The following IMMP2L variants were observed in gnomAD, a reference collection of about 807,000 sequenced individuals.
IMMP2L encodes the protein mitochondrial inner membrane protease subunit 2.
A neutral mutation model predicts 19.3 loss-of-function variants in IMMP2L; 18 were observed. The ratio of observed to expected loss-of-function variants is 0.93; its 90% CI spans 0.64 to 1.38. The LOEUF is 1.38. Ranked by LOEUF, IMMP2L falls within the 40% of genes most tolerant of loss-of-function variation. The probability of loss-of-function intolerance (pLI) is 0.00; values close to 1 mark genes in which losing one functional copy is unlikely to be tolerated. For synonymous variants in IMMP2L, 76 were observed against 73.0 expected, an observed-to-expected ratio of 1.04 and a Z score of -0.21; for missense variants, 233 against 218.2, an observed-to-expected ratio of 1.07 and a Z score of -0.43.
At chr7:110,922,412 A>G (rs1814390564) in intron 4 of IMMP2L, among the ~76,000 whole-genome samples, 1 of 152,194 alleles carries the variant, frequency 6.6e-6, no homozygotes, top group Non-Finnish European at 1.5e-5. Context: ...ATCATTAGTT[A>G]TATCTCAATA....
intron 3 of IMMP2L, among the ~76,000 whole-genome samples, chr7:111,343,800 A>G (rs1166394421): frequency 2.6e-5 from 4 of 152,086 alleles, no homozygotes; most frequent in Non-Finnish European, 5.9e-5. Flanking sequence ...ACAGAAAGTA[A>G]CCTTGTGATC....
intron 3 of IMMP2L, among the ~76,000 whole-genome samples, chr7:111,074,330 G>T (rs1795209710): frequency 6.6e-6 from 1 of 152,196 alleles, no homozygotes; most frequent in African/African-American, 2.4e-5. Context: ...GTGTTTGAGA[G>T]AATTTATAGA....
intron 5 of IMMP2L, among the ~76,000 whole-genome samples, chr7:110,761,864 T>C (rs1001487190): frequency 6.6e-6 from 1 of 152,198 alleles, no homozygotes; most frequent in African/African-American, 2.4e-5. Flanking sequence ...TCTAGTGTCA[T>C]CATGACAATT....
chr7:111,224,708 A>T (rs565314721), intron 3 of IMMP2L, among the ~76,000 whole-genome samples: 7 of 152,236 alleles, frequency 4.6e-5, no homozygotes. Context: ...TCATAATGAT[A>T]TTAAAATGTT....
intron 5 of IMMP2L, among the ~76,000 whole-genome samples, chr7:110,696,073 C>T (rs1431289301): frequency 6.6e-6 from 1 of 152,170 alleles, no homozygotes; most frequent in African/African-American, 2.4e-5. Flanking sequence ...TTTGCACCAT[C>T]TCTTACTGAG....
chr7:111,143,159 A>G (rs1460973258), intron 3 of IMMP2L, among the ~76,000 whole-genome samples: 1 of 152,218 alleles, frequency 6.6e-6, no homozygotes, highest in Non-Finnish European at 1.5e-5. Flanking sequence ...GGAAACTGCC[A>G]TTTTATTACA....
At chr7:110,770,574 T>C (rs1474963812) in intron 5 of IMMP2L, among the ~76,000 whole-genome samples, 1 of 152,232 alleles carries the variant, frequency 6.6e-6, no homozygotes, top group African/African-American at 2.4e-5. Flanking sequence ...TTTTGATGTG[T>C]TTCATGGCAG....
intron 2 of IMMP2L, among the ~76,000 whole-genome samples, chr7:111,509,639 T>C (rs1845262008): frequency 6.6e-6 from 1 of 152,164 alleles, no homozygotes; most frequent in South Asian, 2.1e-4. Context: ...TAAGTATTGT[T>C]ACATGAAACT....
intron 3 of IMMP2L, among the ~76,000 whole-genome samples, chr7:111,174,946 C>T (rs1262240189): frequency 6.6e-6 from 1 of 151,712 alleles, no homozygotes; most frequent in Non-Finnish European, 1.5e-5. Context: ...TGATGGAATA[C>T]TAGGCTTACA....
chr7:111,406,757 AT>A (rs1244904163), intron 3 of IMMP2L, among the ~76,000 whole-genome samples: 1 of 152,004 alleles, frequency 6.6e-6, no homozygotes, highest in African/African-American at 2.4e-5. Flanking sequence ...TCAATTCTAT[AT>A]CCCTGTTAAT....
At chr7:110,889,460 A>G (rs763407175) in intron 4 of IMMP2L, among the ~76,000 whole-genome samples, 4 of 152,118 alleles carry the variant, frequency 2.6e-5, no homozygotes, top group Non-Finnish European at 5.9e-5. Flanking sequence ...AACAGGGTTC[A>G]TGCTCCTGTG....
intron 5 of IMMP2L, among the ~76,000 whole-genome samples, chr7:110,883,977 A>G (rs1037799225): frequency 2.6e-5 from 4 of 152,036 alleles, no homozygotes; most frequent in Non-Finnish European, 1.5e-5. Flanking sequence ...TTCAAATATA[A>G]TTACTAAAAT....
At chr7:111,334,396 C>A (rs1435000110) in intron 3 of IMMP2L, among the ~76,000 whole-genome samples, 4 of 151,982 alleles carry the variant, frequency 2.6e-5, no homozygotes, top group African/African-American at 9.7e-5. Flanking sequence ...GATAGGATTT[C>A]ATTCTTTTTT....
At chr7:111,467,424 G>A (rs1379183433) in intron 3 of IMMP2L, among the ~76,000 whole-genome samples, 1 of 152,110 alleles carries the variant, frequency 6.6e-6, no homozygotes, top group African/African-American at 2.4e-5. Flanking sequence ...GGAATATTTT[G>A]TTGCAGTTTT....
intron 4 of IMMP2L, among the ~76,000 whole-genome samples, chr7:110,894,883 T>C (rs943178473): frequency 4.6e-5 from 7 of 152,136 alleles, no homozygotes; most frequent in African/African-American, 7.2e-5. Context: ...AAATTTCAAT[T>C]TTTTACATAT....
chr7:110,887,939 T>C (rs557767237), intron 4 of IMMP2L, among the ~76,000 whole-genome samples: 1 of 152,082 alleles, frequency 6.6e-6, no homozygotes, highest in Admixed American at 6.6e-5. Context: ...AGTTAGCAAT[T>C]TGTATGTGTG....
intron 4 of IMMP2L, among the ~76,000 whole-genome samples, chr7:110,911,253 A>C (rs1362864648): frequency 6.6e-6 from 1 of 152,288 alleles, no homozygotes; most frequent in Middle Eastern, 3.4e-3. Flanking sequence ...TAAGAAGTTT[A>C]CATCTGAAAG....
intron 5 of IMMP2L, among the ~76,000 whole-genome samples, chr7:110,699,136 C>T (rs1479486463): frequency 1.3e-5 from 2 of 152,192 alleles, no homozygotes; most frequent in African/African-American, 4.8e-5. Flanking sequence ...TTCCCCATAA[C>T]TCCTCTACCT....
intron 5 of IMMP2L, among the ~76,000 whole-genome samples, chr7:110,809,273 C>T (rs1032770882): frequency 3.3e-5 from 5 of 151,886 alleles, no homozygotes; most frequent in African/African-American, 9.7e-5. Flanking sequence ...ATACTAAAAA[C>T]AAATCAGGTA....
Sources: allele counts gnomAD v4.1 joint callset (sites outside exome capture counted in the v4.1 genomes callset), GRCh38; gene constraint gnomAD v4.1.1; transcripts MANE v1.5; gene names NCBI Gene and HGNC (gene_info 2026-07-23, HGNC 2026-07-21).